Variants in KPNA5 observed in about 807,000 individuals in gnomAD.
KPNA5 encodes importin subunit alpha-6.
In KPNA5, 46 loss-of-function variants were observed where a neutral mutation model predicts 71.3. The observed-to-expected ratio is 0.65, with a 90% confidence interval of 0.51 to 0.83. The LOEUF is 0.83. Among genes scored for constraint, KPNA5 ranks in the 40% least tolerant of loss-of-function variants. The probability of loss-of-function intolerance (pLI) is 0.00; values close to 1 mark genes in which losing one functional copy is unlikely to be tolerated. For missense variants in KPNA5, 547 were observed against 628.3 expected (o/e 0.87, Z 1.38); for synonymous variants, 207 against 201.4 (o/e 1.03, Z -0.24).
At chr6:116,728,266 T>C (rs1779353671) in intron 12 of KPNA5, among the ~76,000 whole-genome samples, 1 of 152,182 alleles carries the variant, frequency 6.6e-6, no homozygotes, top group Non-Finnish European at 1.5e-5. Context: ...CAAATAGTTG[T>C]ATTTTTTCAA....
In KPNA5 at chr6:116,740,846, G is replaced by A. The variant is rs1779847859; in HGVS notation, c.*8523G>A. Reference sequence around the variant, plus strand: ...ACATCACACTCTGGGGACTGTTGTGGGGTTGGGGGAGGGGGGAGGGATAGC... The same window carrying A: ...ACATCACACTCTGGGGACTGTTGTGAGGTTGGGGGAGGGGGGAGGGATAGC... On this transcript the variant is annotated 3_prime_UTR_variant, in exon 14 of 14. Transcript: ENST00000368564. 1 of 149,256 alleles carries A rather than the reference G, an allele frequency of 6.7e-6. No homozygotes were observed. The highest frequency in any genetic ancestry group is 2.2e-4 in the South Asian group (1 of 4,594). The allele number at this position is 149,256 out of a possible 1,614,324, so 9.2% of individuals were successfully genotyped here. A position where few individuals can be genotyped will look rare whatever the true frequency, so the allele number is the denominator to read the frequency against.
Position 116,705,058 on chromosome 6 carries a change from T to A in KPNA5, c.568-14T>A. The A allele has an allele frequency of 6.3e-7, 1 of 1,590,092 alleles. No individual in the cohort carries two copies. Among genetic ancestry groups the A allele is most frequent in the African/African-American group, 1.4e-5 (1 of 73,950 alleles). On this transcript the variant is annotated splice_polypyrimidine_tract_variant and intron_variant, in intron 6 of 13. Transcript: ENST00000368564. ...TTAAAATATTGTCTTAAGATAATTT[T>A]TTTTTTTCCTAAGGCTGTTTGGGCA... is the stretch of plus-strand genomic sequence containing the variant.
At chr6:116,717,525 C>T (rs1218463569) in intron 8 of KPNA5, among the ~76,000 whole-genome samples, 2 of 152,156 alleles carry the variant, frequency 1.3e-5, no homozygotes, top group African/African-American at 2.4e-5. Flanking sequence ...TATGGGTCTG[C>T]AGCAACCTCA....
At chr6:116,729,099 C>G (rs180922195) in intron 12 of KPNA5, among the ~76,000 whole-genome samples, 1 of 149,392 alleles carries the variant, frequency 6.7e-6, no homozygotes, top group Admixed American at 6.7e-5. Context: ...GAAATTTTCT[C>G]AAGTTTAATT....
In KPNA5 at chr6:116,726,638, CTTAA is replaced by C. The variant is rs1486557811; in HGVS notation, c.1253+19_1253+22del. ...AGCAAATAAGGTATGATATAAACTT[CTTAA>C]TTGTTTTTTACATGTAAATGAGACA... On this transcript the variant is annotated intron_variant, in intron 12 of 13. Transcript: ENST00000368564. 1.1e-5 allele frequency: 17 copies of C among 1,533,750 alleles called. No individual in the cohort carries two copies. Among genetic ancestry groups the C allele is most frequent in the Non-Finnish European group, 1.5e-5 (17 of 1,147,108 alleles).
intron 13 of KPNA5, among the ~76,000 whole-genome samples, chr6:116,731,628 C>T (rs1239846113): frequency 6.6e-6 from 1 of 151,874 alleles, no homozygotes; most frequent in African/African-American, 2.4e-5. Flanking sequence ...TTTTAAACCG[C>T]ACAACAGCCA....
Position 116,681,258 on chromosome 6 carries a change from TGGC to T in KPNA5, c.-73_-71del. On this transcript the variant is annotated 5_prime_UTR_variant, in exon 1 of 14. Coordinates refer to ENST00000368564, the MANE Select transcript of KPNA5 (RefSeq NM_001366306.2). ...GCTACGCTTCACGCCAGGGGCGGAG[TGGC>T]GGCCCTTCTGTTACCCGCCACACAC... 8.8e-6 allele frequency: 14 copies of T among 1,590,946 alleles called. No individual in the cohort carries two copies. Among genetic ancestry groups the T allele is most frequent in the Non-Finnish European group, 1.2e-5 (14 of 1,164,364 alleles).
At chr6:116,700,135 A>C (rs1778173971) in intron 5 of KPNA5, among the ~76,000 whole-genome samples, 1 of 152,096 alleles carries the variant, frequency 6.6e-6, no homozygotes, top group Non-Finnish European at 1.5e-5. Context: ...AAAAGAGGAA[A>C]ATTAATGCTA....
At chr6:116,683,896 CTTTTTTTTTTTTTTTTTT>C (rs140446065) in intron 1 of KPNA5, among the ~76,000 whole-genome samples, 11 of 59,604 alleles carry the variant, frequency 1.8e-4, no homozygotes, top group South Asian at 8.7e-4. Flanking sequence ...CGTGCCCGGC[CTTTTTTTTTTTTTTTTTT>C]TTTTTTTTTT....
rs183101161 is a variant in KPNA5, at chr6:116,693,572, T to C, written c.340+1180T>C. On this transcript the variant is annotated intron_variant, in intron 4 of 13. Transcript: ENST00000368564. Reference sequence around the variant, plus strand: ...TCTGTTCATATCCTTCGCCCACTTGTTGATGGGGTTGTTTGTTTTTTTCTT... The same window carrying C: ...TCTGTTCATATCCTTCGCCCACTTGCTGATGGGGTTGTTTGTTTTTTTCTT... Among the ~76,000 whole-genome samples the C allele has an allele frequency of 3.9e-3, 600 of 152,328 alleles. 15 individuals are homozygous for C. In the South Asian group the frequency reaches 0.041, roughly 10 times the overall value.
chr6:116,690,667 G>A (rs927006695), intron 2 of KPNA5, among the ~76,000 whole-genome samples: 2 of 150,800 alleles, frequency 1.3e-5, no homozygotes, highest in East Asian at 3.9e-4. Context: ...AAAGAAGAAC[G>A]ATATTTATTT....
intron 8 of KPNA5, among the ~76,000 whole-genome samples, chr6:116,717,246 G>T (rs1778920580): frequency 6.6e-6 from 1 of 152,128 alleles, no homozygotes; most frequent in African/African-American, 2.4e-5. Flanking sequence ...AAAGACGAAT[G>T]ATGTCTTAGT....
At chr6:116,701,194 C>T (rs1164474983) in intron 5 of KPNA5, among the ~76,000 whole-genome samples, 1 of 151,836 alleles carries the variant, frequency 6.6e-6, no homozygotes, top group Non-Finnish European at 1.5e-5. Flanking sequence ...CTTATAATGA[C>T]GTGTACGTTT....
rs186612944 is a variant in KPNA5, at chr6:116,736,385, A to G, written c.*4062A>G. On this transcript the variant is annotated 3_prime_UTR_variant, in exon 14 of 14. Coordinates refer to ENST00000368564, the MANE Select transcript of KPNA5 (RefSeq NM_001366306.2). Reference sequence around the variant, plus strand: ...AGTTGGAAATGGGAGGTGACTGGGTACAAAGTTTCTTCTTTGAGCAATAAA... The same window carrying G: ...AGTTGGAAATGGGAGGTGACTGGGTGCAAAGTTTCTTCTTTGAGCAATAAA... The G allele has an allele frequency of 6.6e-6, 1 of 152,086 alleles. No individual in the cohort carries two copies. Among genetic ancestry groups the G allele is most frequent in the Admixed American group, 6.6e-5 (1 of 15,228 alleles). 9.4% of individuals were successfully genotyped at this position (152,086 alleles called of 1,614,324 possible).
In KPNA5 at chr6:116,726,530, T is replaced by G. The variant is rs1375476125; in HGVS notation, c.1161T>G (p.Ile387Met). Residue 387 changes from isoleucine (I) to methionine (M), a missense_variant, in exon 12 of 14, where the codon ATT becomes ATG. By Grantham distance (10) the Ile-to-Met change is conservative (BLOSUM62 1). Coordinates refer to ENST00000368564, the MANE Select transcript of KPNA5 (RefSeq NM_001366306.2). ...ATGCAAATATTTTTCCTGTTTTGAT[T>G]GAGATTCTTCAGAAAGCAGAGTTTC... ...VIDANIFPVL[I>M]EILQKAEFRT... The G allele has an allele frequency of 6.2e-7, 1 of 1,612,248 alleles. No homozygotes were observed. The highest frequency in any genetic ancestry group is 8.5e-7 in the Non-Finnish European group (1 of 1,178,794).
At chr6:116,687,806 A>G (rs1777648291) in intron 1 of KPNA5, among the ~76,000 whole-genome samples, 2 of 152,154 alleles carry the variant, frequency 1.3e-5, no homozygotes, top group African/African-American at 4.8e-5. Context: ...CTTGTCTTCT[A>G]TGTTTTCATT....
intron 7 of KPNA5, among the ~76,000 whole-genome samples, chr6:116,709,493 T>C (rs1778570699): frequency 6.6e-6 from 1 of 152,214 alleles, no homozygotes; most frequent in Non-Finnish European, 1.5e-5. Context: ...CATTGCACTC[T>C]AGCCTGTGCA....
At chr6:116,702,542 G>T (rs1018595951) in intron 6 of KPNA5, among the ~76,000 whole-genome samples, 1 of 152,120 alleles carries the variant, frequency 6.6e-6, no homozygotes, top group African/African-American at 2.4e-5. Flanking sequence ...AATTAGCCAG[G>T]CGTGGTGCCA....
chr6:116,704,138 A>G (rs1778344564), intron 6 of KPNA5, among the ~76,000 whole-genome samples: 1 of 151,938 alleles, frequency 6.6e-6, no homozygotes, highest in African/African-American at 2.4e-5. Context: ...CCTGGGTTTC[A>G]AGCAGTTCTT....
Sources: allele counts gnomAD v4.1 joint callset (sites outside exome capture counted in the v4.1 genomes callset), GRCh38; gene constraint gnomAD v4.1.1; transcripts MANE v1.5; gene names NCBI Gene and HGNC (gene_info 2026-07-23, HGNC 2026-07-21).